The following ARHGAP42 variants were observed in gnomAD, a reference collection of about 807,000 sequenced individuals.
ARHGAP42 encodes the protein Rho GTPase activating protein 42.
A neutral mutation model predicts 125.0 loss-of-function variants in ARHGAP42; 63 were observed. That is an observed-to-expected ratio of 0.50 (90% CI 0.41 to 0.62). The LOEUF (loss-of-function observed/expected upper bound fraction) is 0.62, where lower values mean the gene tolerates loss of function less well. Ranked by LOEUF, ARHGAP42 falls within the 20% of genes least tolerant of loss-of-function variation. The pLI, the probability that ARHGAP42 is intolerant of heterozygous loss-of-function variation, is 0.00. For synonymous variants in ARHGAP42, 339 were observed against 351.0 expected (o/e 0.97, Z 0.38); for missense variants, 766 against 1,024.2 (o/e 0.75, Z 3.44).
intron 4 of ARHGAP42, among the ~76,000 whole-genome samples, chr11:100,903,723 T>A (rs1204490626): frequency 0.33 from 24,374 of 74,220 alleles, 4,048 homozygotes; most frequent in Middle Eastern, 0.43. Context: ...TATATATATA[T>A]ATATATATAT....
At chr11:100,741,499 C>T (rs992813031) in intron 1 of ARHGAP42, among the ~76,000 whole-genome samples, 10 of 152,126 alleles carry the variant, frequency 6.6e-5, no homozygotes, top group South Asian at 2.1e-4. Flanking sequence ...GCTGTGTTAC[C>T]GACCCTTGCA....
chr11:100,892,857 G>A (rs1016473128), intron 4 of ARHGAP42, among the ~76,000 whole-genome samples: 2 of 152,110 alleles, frequency 1.3e-5, no homozygotes, highest in Non-Finnish European at 2.9e-5. Flanking sequence ...AGTATAACCC[G>A]ATATACTAAA....
At chr11:100,948,867 C>T (rs188326416) in intron 11 of ARHGAP42, among the ~76,000 whole-genome samples, 1 of 152,164 alleles carries the variant, frequency 6.6e-6, no homozygotes, top group African/African-American at 2.4e-5. Flanking sequence ...TTTGCAAGGC[C>T]TGTGCTAGGC....
chr11:100,906,601 A>G (rs1866744861), intron 4 of ARHGAP42, among the ~76,000 whole-genome samples: 1 of 152,020 alleles, frequency 6.6e-6, no homozygotes, highest in South Asian at 2.1e-4. Context: ...TTCATTCTGG[A>G]AATATTCCTG....
intron 1 of ARHGAP42, among the ~76,000 whole-genome samples, chr11:100,764,128 C>A (rs1258011969): frequency 6.6e-6 from 1 of 151,186 alleles, no homozygotes; most frequent in Non-Finnish European, 1.5e-5. Flanking sequence ...GCTCAGTGAT[C>A]TTCCCACCTT....
At chr11:100,769,491 C>G (rs1241781796) in intron 1 of ARHGAP42, among the ~76,000 whole-genome samples, 1 of 152,084 alleles carries the variant, frequency 6.6e-6, no homozygotes, top group East Asian at 1.9e-4. Context: ...GGGCCTTGTT[C>G]AGACTGAAGT....
rs192116718 is a variant in ARHGAP42, at chr11:100,828,821, G to T, written c.313-30733G>T. On this transcript the variant is annotated intron_variant, in intron 3 of 23. Transcript: ENST00000298815. The stretch of plus-strand genomic sequence containing the variant: ...TCCCGCCTTGGCCTCCCAAAGTGCT[G>T]TGATTACAGGCGGAAGCCACCATGC... Among the ~76,000 whole-genome samples the T allele has an allele frequency of 6.7e-4, 102 of 151,996 alleles. No individual in the cohort carries two copies. The East Asian group carries it at 0.016, about 24-fold the overall frequency.
chr11:100,692,420 G>T (rs1565530334), intron 1 of ARHGAP42, among the ~76,000 whole-genome samples: 1 of 152,152 alleles, frequency 6.6e-6, no homozygotes, highest in Non-Finnish European at 1.5e-5. Context: ...TCTAATGGAT[G>T]ATGTTATTGT....
intron 3 of ARHGAP42, among the ~76,000 whole-genome samples, chr11:100,829,210 G>A (rs1864601463): frequency 6.6e-6 from 1 of 151,878 alleles, no homozygotes. Context: ...GGTGGCTTGG[G>A]GAAAAAAAGC....
At chr11:100,967,672 CTA>C (rs571182772) in intron 17 of ARHGAP42, among the ~76,000 whole-genome samples, 1 of 151,918 alleles carries the variant, frequency 6.6e-6, no homozygotes, top group South Asian at 2.1e-4. Context: ...CTGTTATTAG[CTA>C]TATATATATG....
chr11:100,755,731 A>G (rs777089918), intron 1 of ARHGAP42, among the ~76,000 whole-genome samples: 1 of 152,198 alleles, frequency 6.6e-6, no homozygotes, highest in Non-Finnish European at 1.5e-5. Context: ...ATCAGGCCCT[A>G]GATGTGCATG....
intron 1 of ARHGAP42, among the ~76,000 whole-genome samples, chr11:100,708,779 A>T (rs1015504734): frequency 2.6e-5 from 4 of 152,182 alleles, no homozygotes; most frequent in African/African-American, 7.2e-5. Flanking sequence ...CACAGAGATA[A>T]GTTTGAAGAC....
In ARHGAP42 at chr11:100,936,240, A is replaced by G. The variant is rs372092861; in HGVS notation, c.740A>G (p.Glu247Gly). ...TTTGAAAGTACTCGACAAGAGGTAG[A>G]GCGGTTGATGCAAAGGATGAAATCT... ...NNFESTRQEV[E>G]RLMQRMKSAN... is the part of the protein sequence containing the mutation. The change falls in exon 8 of 24, where the codon GAG (glutamate) becomes GGG (glycine). Residue 247 changes from glutamate to glycine, a missense_variant. Glu to Gly is a moderately conservative substitution (Grantham distance 98). This residue lies in a region of ARHGAP42 where 455 missense variants were observed against 636.5 expected (regional missense o/e 0.71). Transcript: ENST00000298815. The G allele has an allele frequency of 2.0e-5, 31 of 1,551,714 alleles. No individual in the cohort carries two copies. The highest frequency in any genetic ancestry group is 2.7e-5 in the Non-Finnish European group (31 of 1,146,972).
At chr11:100,727,531 C>G (rs1275209470) in intron 1 of ARHGAP42, among the ~76,000 whole-genome samples, 1 of 152,166 alleles carries the variant, frequency 6.6e-6, no homozygotes, top group African/African-American at 2.4e-5. Flanking sequence ...GCTCCACCCC[C>G]ACCCTCTGGG....
At chr11:100,975,843 G>A (rs997289528) in intron 19 of ARHGAP42, among the ~76,000 whole-genome samples, 3 of 152,096 alleles carry the variant, frequency 2.0e-5, no homozygotes, top group Non-Finnish European at 4.4e-5. Context: ...TCCTAAAATA[G>A]CATTGAAAAA....
At chr11:100,807,830 T>C (rs1204389244) in intron 3 of ARHGAP42, among the ~76,000 whole-genome samples, 2 of 152,234 alleles carry the variant, frequency 1.3e-5, no homozygotes, top group Non-Finnish European at 2.9e-5. Context: ...TTTCCATTTT[T>C]ATCTTTGCAC....
intron 16 of ARHGAP42, among the ~76,000 whole-genome samples, chr11:100,964,344 C>G (rs1858034945): frequency 6.6e-6 from 1 of 152,074 alleles, no homozygotes; most frequent in South Asian, 2.1e-4. Flanking sequence ...ACTTTCCTTC[C>G]CAGTCAGATT....
chr11:100,901,789 A>C (rs1001997540), intron 4 of ARHGAP42, among the ~76,000 whole-genome samples: 5 of 152,152 alleles, frequency 3.3e-5, no homozygotes, highest in African/African-American at 4.8e-5. Flanking sequence ...ATTTGGGTGG[A>C]AGTGTCCCGT....
At chr11:100,775,677 T>G (rs1696256163) in intron 2 of ARHGAP42, among the ~76,000 whole-genome samples, 1 of 152,228 alleles carries the variant, frequency 6.6e-6, no homozygotes, top group South Asian at 2.1e-4. Context: ...TTTAGCTGCA[T>G]TGATTTAGCA....
Sources: allele counts gnomAD v4.1 joint callset (sites outside exome capture counted in the v4.1 genomes callset), GRCh38; gene constraint gnomAD v4.1.1; regional missense constraint gnomAD v4.1.1; transcripts MANE v1.5; gene names NCBI Gene and HGNC (gene_info 2026-07-23, HGNC 2026-07-21).